Variants in PSME4 observed in about 807,000 individuals in gnomAD.
PSME4 encodes proteasome activator subunit 4, also known as proteasome activator complex subunit 4.
In PSME4, 89 loss-of-function variants were observed where a neutral mutation model predicts 253.9. The ratio of observed to expected loss-of-function variants is 0.35; its 90% CI spans 0.30 to 0.42. The LOEUF (loss-of-function observed/expected upper bound fraction) is 0.42, where lower values mean the gene tolerates loss of function less well. Among genes scored for constraint, PSME4 ranks in the 10% least tolerant of loss-of-function variants. The pLI is 1.00. For missense variants in PSME4, 2,014 were observed against 2,195.2 expected (o/e 0.92, Z 1.65); for synonymous variants, 851 against 759.2 (o/e 1.12, Z -1.99).
At chr2:53,963,001 C>T (rs906446313) in intron 1 of PSME4, among the ~76,000 whole-genome samples, 2 of 147,160 alleles carry the variant, frequency 1.4e-5, no homozygotes, top group African/African-American at 5.1e-5. Flanking sequence ...CAGAGCGAGA[C>T]TCAGTGTCAA....
chr2:53,928,536 G>A (rs1042760773), intron 10 of PSME4, among the ~76,000 whole-genome samples: 2 of 152,166 alleles, frequency 1.3e-5, no homozygotes, highest in African/African-American at 4.8e-5. Flanking sequence ...CTGAGAACGA[G>A]AGACCATATT....
rs543655233 is a variant in PSME4, at chr2:53,932,025, G to T, written c.1126C>A (p.Pro376Thr). The change falls in exon 10 of 47, where the codon CCC (proline) becomes ACC (threonine). Residue 376 changes from proline (P) to threonine (T), a missense_variant. By Grantham distance (38) the Pro-to-Thr change is conservative (BLOSUM62 -1). Coordinates refer to ENST00000404125, the MANE Select transcript of PSME4 (RefSeq NM_014614.3). ...RRLHRERYKK[P>T]SWLTPVPDSH... ...TCAGGCACAGGAGTTAACCAAGAGG[G>T]CTTCTTGTATCTTTCACGATGCAAT... 10 of 1,613,440 alleles carry T rather than the reference G, an allele frequency of 6.2e-6. No homozygotes were observed. The African/African-American group carries it at 1.2e-4, about 19-fold the overall frequency.
chr2:53,940,462 T>G (rs1286594967), intron 3 of PSME4, among the ~76,000 whole-genome samples: 1 of 152,110 alleles, frequency 6.6e-6, no homozygotes, highest in Non-Finnish European at 1.5e-5. Context: ...CCAGGCACTT[T>G]AAGGCCAGCA....
chr2:53,915,778 G>C (rs964504109), intron 20 of PSME4, among the ~76,000 whole-genome samples: 4 of 151,864 alleles, frequency 2.6e-5, no homozygotes, highest in Non-Finnish European at 5.9e-5. Context: ...TTAAAAAAAA[G>C]AATTTTATGA....
intron 17 of PSME4, among the ~76,000 whole-genome samples, chr2:53,921,955 G>A (rs1050675034): frequency 1.1e-4 from 16 of 151,036 alleles, no homozygotes; most frequent in Non-Finnish European, 1.8e-4. Context: ...GGCGGATCAC[G>A]AGGTCAGGAC....
At chr2:53,869,332 T>C in intron 44 of PSME4, 44 bp downstream of exon 44, 1 of 1,524,888 alleles carries the variant, frequency 6.6e-7, no homozygotes, top group Non-Finnish European at 9.0e-7. Flanking sequence ...TTAACCCTCA[T>C]TAATTCCCAA....
At chr2:53,940,958 TA>T (rs1558413785) in intron 3 of PSME4, among the ~76,000 whole-genome samples, 925 of 49,564 alleles carry the variant, frequency 0.019, 100 homozygotes, top group Admixed American at 0.071. Flanking sequence ...TATACATATA[TA>T]TATATATATA....
chr2:53,916,539 GCTA>G (rs1384716554), intron 20 of PSME4, among the ~76,000 whole-genome samples: 1 of 152,098 alleles, frequency 6.6e-6, no homozygotes, highest in Non-Finnish European at 1.5e-5. Flanking sequence ...CATAAATCAT[GCTA>G]CAGATATTCA....
chr2:53,920,971 G>T lies in PSME4; in HGVS notation c.2180C>A (p.Ser727Tyr), dbSNP rs1392908510. ...TTCTGTAGGGTAGATAAGTGTGGTA[G>T]AACGGAGAAGATGATGCAAAAGGTT... Reference protein sequence around the residue: ...SCNLLHHLLRSTTLIYPTEYC... With the variant: ...SCNLLHHLLRYTTLIYPTEYC... The change falls in exon 18 of 47, where the codon TCT becomes TAT. Residue 727 changes from serine to tyrosine, a missense_variant. Transcript: ENST00000404125. 6.2e-7 allele frequency: 1 copy of T among 1,613,952 alleles called. No homozygotes were observed. The highest frequency in any genetic ancestry group is 8.5e-7 in the Non-Finnish European group (1 of 1,179,938).
chr2:53,920,617 AG>A (rs1436379441), intron 18 of PSME4, among the ~76,000 whole-genome samples: 1 of 152,194 alleles, frequency 6.6e-6, no homozygotes, highest in Non-Finnish European at 1.5e-5. Flanking sequence ...GATGAGTTTA[AG>A]TGAGGCTTAG....
chr2:53,956,896 C>T (rs560981043), intron 1 of PSME4, among the ~76,000 whole-genome samples: 1 of 152,228 alleles, frequency 6.6e-6, no homozygotes, highest in East Asian at 1.9e-4. Context: ...TAAATAACGT[C>T]TTAAGAGTCA....
intron 3 of PSME4, among the ~76,000 whole-genome samples, chr2:53,946,915 AAGGAAGGAAGGAAGGAAGGGAGAG>A (rs1485605176): frequency 6.6e-6 from 1 of 151,902 alleles, no homozygotes; most frequent in African/African-American, 2.4e-5. Context: ...CTGAAAAAGG[AAGGAAGGAAGGAAGGAAGGGAGAG>A]AGGAAGGGAG....
At chr2:53,967,667 A>AAAAAAAAAAAAAAAAAAAAAAG (rs1670806974) in intron 1 of PSME4, among the ~76,000 whole-genome samples, 1 of 147,530 alleles carries the variant, frequency 6.8e-6, no homozygotes, top group Non-Finnish European at 1.5e-5. Context: ...AAAAAAAAAA[A>AAAAAAAAAAAAAAAAAAAAAAG]AAAAAAAAAA....
chr2:53,923,843 A>C, intron 14 of PSME4, among the ~76,000 whole-genome samples: 1 of 148,856 alleles, frequency 6.7e-6, no homozygotes. Flanking sequence ...GAATTGCTTG[A>C]ACCCGGGAGG....
chr2:53,939,338 A>G (rs1283224939), intron 4 of PSME4, among the ~76,000 whole-genome samples: 1 of 152,232 alleles, frequency 6.6e-6, no homozygotes, highest in African/African-American at 2.4e-5. Flanking sequence ...AAAAAAGTTC[A>G]AGTACGTAAA....
At chr2:53,924,172 A>G (rs1431198808) in intron 14 of PSME4, among the ~76,000 whole-genome samples, 1 of 152,202 alleles carries the variant, frequency 6.6e-6, no homozygotes, top group Non-Finnish European at 1.5e-5. Context: ...CAAAACTTTA[A>G]TTTACTTGCT....
At chr2:53,874,697 T>G (rs1263687820) in intron 42 of PSME4, among the ~76,000 whole-genome samples, 1 of 152,064 alleles carries the variant, frequency 6.6e-6, no homozygotes, top group Non-Finnish European at 1.5e-5. Flanking sequence ...TCTCAGTACT[T>G]TGGGAGGATG....
chr2:53,906,898 A>G (rs1388303791), intron 24 of PSME4, 30 bp from the exon 25 acceptor site: 1 of 1,601,002 alleles, frequency 6.2e-7, no homozygotes, highest in East Asian at 2.2e-5. Flanking sequence ...CAAATACTTC[A>G]ACATTTTCCC....
rs373979166 is a variant in PSME4 at position 53,897,865 on chromosome 2, T to C, written c.3606+5A>G. On this transcript the variant is annotated splice_donor_5th_base_variant and intron_variant, in intron 31 of 46. Coordinates refer to ENST00000404125, the MANE Select transcript of PSME4 (RefSeq NM_014614.3). Reference sequence around the variant, plus strand: ...CCAAGACTGTAGCTAAAACAAGGTATGTACCTTTCGAACTACAATTGCATC... The same window carrying C: ...CCAAGACTGTAGCTAAAACAAGGTACGTACCTTTCGAACTACAATTGCATC... The C allele has an allele frequency of 1.1e-5, 17 of 1,613,332 alleles. No individual in the cohort carries two copies. Among genetic ancestry groups the C allele is most frequent in the African/African-American group, 9.3e-5 (7 of 74,904 alleles).
Sources: gnomAD v4.1 joint callset for allele counts (sites outside exome capture counted in the v4.1 genomes callset) on GRCh38, gnomAD v4.1.1 for gene constraint, MANE v1.5 for transcripts, NCBI Gene and HGNC (gene_info 2026-07-23, HGNC 2026-07-21) for gene names.